The following LZTS2 variants were observed in gnomAD, a reference collection of about 807,000 sequenced individuals.
LZTS2 encodes the protein leucine zipper putative tumor suppressor 2.
In LZTS2, 32 loss-of-function variants were observed where a neutral mutation model predicts 60.6. That is an observed-to-expected ratio of 0.53 (90% CI 0.40 to 0.71). The LOEUF is 0.71. LZTS2 is among the 30% of genes least tolerant of loss of function. The probability of loss-of-function intolerance (pLI) is 0.00; values close to 1 mark genes in which losing one functional copy is unlikely to be tolerated. For synonymous variants in LZTS2, 360 were observed against 393.1 expected (o/e 0.92, Z 1.00); for missense variants, 792 against 901.9 (o/e 0.88, Z 1.56).
chr10:101,006,311 C>T (rs531018678), intron 3 of LZTS2, among the ~76,000 whole-genome samples, 174 bp from the exon 5 acceptor site: 2 of 152,336 alleles, frequency 1.3e-5, no homozygotes, highest in South Asian at 2.1e-4. Flanking sequence ...TCCACTTAAG[C>T]CCCATCTTAA....
chr10:101,003,117 A>T (rs1024960789), intron 1 of LZTS2, 171 bp downstream of exon 2: 8 of 819,032 alleles, frequency 9.8e-6, no homozygotes, highest in Middle Eastern at 3.5e-4. Context: ...GAAGTCACTT[A>T]ACCTGAGCCT....
At position 101,003,771 on chromosome 10, in the gene LZTS2, C is replaced by G. The variant is rs138176599; in HGVS notation, c.673C>G (p.Leu225Val). The G allele has an allele frequency of 9.2e-5, 149 of 1,613,142 alleles. 1 individual carries two copies. In the Admixed American group the frequency reaches 1.6e-3, roughly 17 times the overall value. Reference sequence around the variant, plus strand: ...GCTATCCGACTCTGGCCGAAACTCACTGTCCAGCCTGCCCACCTACAGCAC... The same window carrying G: ...GCTATCCGACTCTGGCCGAAACTCAGTGTCCAGCCTGCCCACCTACAGCAC... Residue 225 changes from leucine (L) to valine (V), a missense_variant, in exon 2 of 4, where the codon CTG becomes GTG. Leu to Val is a conservative substitution (Grantham distance 32). Transcript: ENST00000370220.
chr10:100,996,780 C>G (rs776316009), upstream of LZTS2: 1 of 152,248 alleles, frequency 6.6e-6, no homozygotes, highest in African/African-American at 2.4e-5. Flanking sequence ...AAGAGTGGAC[C>G]GGGTTGGGCT....
chr10:101,003,477 T>C (rs1253098676), intron 1 of LZTS2, 30 bp from the exon 3 acceptor site: 2 of 1,511,572 alleles, frequency 1.3e-6, no homozygotes, highest in South Asian at 1.3e-5. Flanking sequence ...GGGCAGCTCA[T>C]CTCCAGTGTC....
At chr10:101,005,391 C>A (rs546990029) in intron 2 of LZTS2, 67 bp from the exon 4 acceptor site, 6 of 1,486,246 alleles carry the variant, frequency 4.0e-6, no homozygotes, top group Non-Finnish European at 4.5e-6. Context: ...AGTGGGCTGC[C>A]AGAGCAGACA....
chr10:100,999,422 C>CT (rs1851980232), upstream of LZTS2: 2 of 152,402 alleles, frequency 1.3e-5, no homozygotes, highest in South Asian at 4.1e-4. Flanking sequence ...GCTTGGGACT[C>CT]TGAGGCTGAG....
chr10:101,005,460 A>G, exon 3 of LZTS2: 1 of 1,561,390 alleles, frequency 6.4e-7, no homozygotes, highest in South Asian at 1.1e-5. Flanking sequence ...GCCTGCAGGC[A>G]TACGAGGAGC....
chr10:101,006,873 G>C (rs867826330), exon 4 of LZTS2: 4 of 1,527,970 alleles, frequency 2.6e-6, no homozygotes, highest in Admixed American at 4.0e-5. Context: ...GGCAGCTTGC[G>C]GGCCCAGGTG....
exon 4 of LZTS2, chr10:101,006,610 G>A (rs370123164): frequency 3.7e-6 from 6 of 1,603,448 alleles, no homozygotes; most frequent in South Asian, 1.1e-5. Context: ...CCCGTGCTAC[G>A]CTGCGGGTCA....
intron 2 of LZTS2, among the ~76,000 whole-genome samples, chr10:101,004,809 G>A (rs1461766822): frequency 6.6e-6 from 1 of 152,158 alleles, no homozygotes; most frequent in African/African-American, 2.4e-5. Flanking sequence ...TTAGACTAAT[G>A]CCTGGTACCT....
Position 101,006,929 on chromosome 10 carries a change from G to A in LZTS2, c.1771G>A (p.Glu591Lys). 6.5e-7 allele frequency: 1 copy of A among 1,535,332 alleles called. No individual in the cohort carries two copies. Among genetic ancestry groups the A allele is most frequent in the Non-Finnish European group, 8.8e-7 (1 of 1,136,156 alleles). Residue 591 changes from glutamate to lysine, a missense_variant, in exon 4 of 4, where the codon GAG (glutamate) becomes AAG (lysine). Physicochemically the swap from Glu to Lys is moderately conservative, Grantham distance 56. Coordinates refer to ENST00000370220, the Ensembl canonical transcript of LZTS2. Reference sequence around the variant, plus strand: ...GCAGCGGGAGCGGCGGCGGGGTGAGGAGCAGCGGGACAGCTTTGAGGGGGA... The same window carrying A: ...GCAGCGGGAGCGGCGGCGGGGTGAGAAGCAGCGGGACAGCTTTGAGGGGGA...
chr10:101,001,196 C>G (rs1852030207), exon 1 of LZTS2: 1 of 152,426 alleles, frequency 6.6e-6, no homozygotes, highest in Admixed American at 6.5e-5. Context: ...AACTTACTGA[C>G]AAGTCTGTCC....
intron 3 of LZTS2, among the ~76,000 whole-genome samples, chr10:101,006,268 C>T (rs1353837054): frequency 2.0e-5 from 3 of 152,208 alleles, no homozygotes; most frequent in Non-Finnish European, 4.4e-5. Context: ...TTTGAAGACA[C>T]CAGCTTTGAA....
chr10:101,002,487 C>G lies in LZTS2; in HGVS notation c.-52C>G. The G allele has an allele frequency of 3.4e-6, 5 of 1,487,392 alleles. No individual in the cohort carries two copies. Among genetic ancestry groups the G allele is most frequent in the Non-Finnish European group, 3.6e-6 (4 of 1,118,624 alleles). The allele number at this position is 1,487,392 out of a possible 1,614,324, so 92.1% of individuals were successfully genotyped here. On this transcript the variant is annotated 5_prime_UTR_variant, in exon 1 of 4. Coordinates refer to ENST00000370220, the Ensembl canonical transcript of LZTS2. Reference sequence around the variant, plus strand: ...GTGGAGGGACTCTGACACCACTGCCCTGCTTACAGGTCGCCTGCGAGGCCG... The same window carrying G: ...GTGGAGGGACTCTGACACCACTGCCGTGCTTACAGGTCGCCTGCGAGGCCG...
At chr10:101,004,286 C>A in intron 2 of LZTS2, 120 bp downstream of exon 3, 2 of 1,102,434 alleles carry the variant, frequency 1.8e-6, no homozygotes, top group Non-Finnish European at 1.3e-6. Context: ...TGTGACCCCC[C>A]TGCCCTCCCC....
chr10:101,004,228 A>C (rs1426971322), intron 2 of LZTS2, 62 bp downstream of exon 3: 1 of 1,512,382 alleles, frequency 6.6e-7, no homozygotes, highest in East Asian at 2.3e-5. Context: ...CCTGGGATGC[A>C]AGCGGCATTT....
exon 3 of LZTS2, chr10:101,005,572 T>G (rs758452588): frequency 6.2e-7 from 1 of 1,610,600 alleles, no homozygotes; most frequent in Admixed American, 1.7e-5. Flanking sequence ...GCTGCAGGTG[T>G]TCCAGCTGCA....
upstream of LZTS2, among the ~76,000 whole-genome samples, chr10:100,997,746 G>A (rs572574778): frequency 4.6e-5 from 7 of 152,332 alleles, no homozygotes; most frequent in East Asian, 1.2e-3. Flanking sequence ...ACCACGGGGC[G>A]GAAATCCACC....
chr10:101,004,135 G>A, exon 2 of LZTS2: 1 of 1,608,932 alleles, frequency 6.2e-7, no homozygotes, highest in East Asian at 2.2e-5. Flanking sequence ...CTGCGGGACA[G>A]TCTGGACGAG....
Sources: allele counts gnomAD v4.1 joint callset (sites outside exome capture counted in the v4.1 genomes callset), GRCh38; gene constraint gnomAD v4.1.1; transcripts MANE v1.5; gene names NCBI Gene and HGNC (gene_info 2026-07-23, HGNC 2026-07-21).